The following IGLON5 variants were observed in gnomAD, a reference collection of about 807,000 sequenced individuals.
IGLON5 encodes Ig-like domain-containing protein ENSP00000270642.
Under a neutral mutation model 38.2 loss-of-function variants are expected in IGLON5, and 16 were observed. That is an observed-to-expected ratio of 0.42 (90% CI 0.28 to 0.64). The LOEUF (loss-of-function observed/expected upper bound fraction) is 0.64. Ranked by LOEUF, IGLON5 falls within the 30% of genes least tolerant of loss-of-function variation. The pLI is 0.23. For synonymous variants in IGLON5, 207 were observed against 216.4 expected, an observed-to-expected ratio of 0.96 and a Z score of 0.38; for missense variants, 366 against 483.4, an observed-to-expected ratio of 0.76 and a Z score of 2.28.
intron 2 of IGLON5, among the ~76,000 whole-genome samples, chr19:51,322,510 G>A (rs1337304748): frequency 6.7e-6 from 1 of 149,812 alleles, no homozygotes; most frequent in Non-Finnish European, 1.5e-5. Context: ...GAGGGACAGG[G>A]TTGCTGTTTC....
At chr19:51,317,362 AT>A (rs1354612018) in intron 1 of IGLON5, among the ~76,000 whole-genome samples, 1 of 152,142 alleles carries the variant, frequency 6.6e-6, no homozygotes, top group East Asian at 1.9e-4. Flanking sequence ...CTTTACTTGG[AT>A]TACCTCTTGT....
rs1178896029 is a variant in IGLON5 at position 51,325,438 on chromosome 19, C to A, written c.484C>A (p.Pro162Thr). The A allele has an allele frequency of 1.2e-6, 2 of 1,613,452 alleles. No homozygotes were observed. The highest frequency in any genetic ancestry group is 1.7e-6 in the Non-Finnish European group (2 of 1,179,612). The change falls in exon 4 of 8, where the codon CCC (proline) becomes ACC (threonine). Residue 162 changes from proline to threonine, a missense_variant. By Grantham distance (38) the Pro-to-Thr change is conservative (BLOSUM62 -1). Transcript: ENST00000270642. The surrounding 1 kb of genome is among the most constrained non-coding windows in gnomAD (Gnocchi z 5.5). ...LLCLAVGRPE[P>T]TVTWRQLRDG... ...TTGCCTGGCCGTGGGGCGGCCAGAG[C>A]CCACGGTCACCTGGAGACAGCTCCG...
rs1985338282 is a variant in IGLON5 at position 51,330,768 on chromosome 19, C to G, written c.*2009C>G. Among the ~76,000 whole-genome samples, 1 of 151,896 alleles carries G rather than the reference C, an allele frequency of 6.6e-6. No homozygotes were observed. The highest frequency in any genetic ancestry group is 2.4e-5 in the African/African-American group (1 of 41,222). Reference sequence around the variant, plus strand: ...AGAAGGATAGGAACACTGTGAAGGGCAGAGTGGAAACCTTAGAGAAACTGA... The same window carrying G: ...AGAAGGATAGGAACACTGTGAAGGGGAGAGTGGAAACCTTAGAGAAACTGA... On this transcript the variant is annotated 3_prime_UTR_variant, in exon 8 of 8. Coordinates refer to ENST00000270642, the MANE Select transcript of IGLON5 (RefSeq NM_001101372.3).
rs946623965 is a variant in IGLON5 at position 51,313,631 on chromosome 19, T to TTC, written c.79+1719_79+1720dup. Among the ~76,000 whole-genome samples, 10 of 120,872 alleles carry TTC rather than the reference T, an allele frequency of 8.3e-5. 1 individual carries two copies. Among genetic ancestry groups the TTC allele is most frequent in the Non-Finnish European group, 1.4e-4 (9 of 63,966 alleles). 79.3% of individuals were successfully genotyped at this position (120,872 alleles called of 152,430 possible). Reference sequence around the variant, plus strand: ...TTTCTTTCTTTCCTTCTTTCTCTTTTTCTCTCTCTCTCTCTTTTTCTTTCT... The same window carrying TTC: ...TTTCTTTCTTTCCTTCTTTCTCTTTTTCTCTCTCTCTCTCTCTTTTTCTTTCT... On this transcript the variant is annotated intron_variant, in intron 1 of 7. Transcript: ENST00000270642.
intron 1 of IGLON5, among the ~76,000 whole-genome samples, chr19:51,318,466 C>G (rs1984975062): frequency 6.6e-6 from 1 of 152,152 alleles, no homozygotes; most frequent in Admixed American, 6.5e-5. Flanking sequence ...AAGCCCTGAC[C>G]AGGCACTCTG....
intron 1 of IGLON5, 110 bp from the exon 2 acceptor site, chr19:51,321,954 G>A (rs1821496070): frequency 3.4e-6 from 3 of 874,944 alleles, no homozygotes; most frequent in Non-Finnish European, 5.6e-6. Flanking sequence ...GGCAGCGGGT[G>A]CAGGAGACGT....
At chr19:51,315,713 T>TTTTTG (rs758372004) in intron 1 of IGLON5, among the ~76,000 whole-genome samples, 15 of 96,050 alleles carry the variant, frequency 1.6e-4, no homozygotes, top group Non-Finnish European at 1.7e-4. Context: ...TTTTTTTTTT[T>TTTTTG]GAGACAGAGT....
At chr19:51,316,656 G>C (rs939468290) in intron 1 of IGLON5, among the ~76,000 whole-genome samples, 2 of 151,746 alleles carry the variant, frequency 1.3e-5, no homozygotes, top group African/African-American at 4.8e-5. Flanking sequence ...ACCATGCCCG[G>C]CTAATTTTTG....
chr19:51,326,690 C>T (rs1985222334), intron 4 of IGLON5, 74 bp from the exon 5 acceptor site: 3 of 1,069,522 alleles, frequency 2.8e-6, no homozygotes, highest in Non-Finnish European at 3.8e-6. Context: ...GATGTGTGTC[C>T]GTGTTGTGCC....
intron 1 of IGLON5, among the ~76,000 whole-genome samples, chr19:51,312,171 G>A (rs1318182833): frequency 1.3e-5 from 2 of 152,140 alleles, no homozygotes; most frequent in African/African-American, 4.8e-5. Context: ...GTCTAGGGGC[G>A]GAGGTCTGCT....
At position 51,327,550 on chromosome 19, in the gene IGLON5, G is replaced by A. The variant is rs1985248062; in HGVS notation, c.768-182G>A. 6.6e-6 allele frequency among the ~76,000 whole-genome samples: 1 copy of A among 152,156 alleles called. No individual in the cohort carries two copies. The highest frequency in any genetic ancestry group is 2.1e-4 in the South Asian group (1 of 4,830). On this transcript the variant is annotated intron_variant, in intron 6 of 7. Transcript: ENST00000270642. This position sits in a 1 kb window ranked among gnomAD's most constrained non-coding sequence, Gnocchi z 7.1. ...AGAGTCCAGAGTCCTGAGAGGCCAG[G>A]GTGCCTGGAGGGGGGCGGCGGTGGG...
chr19:51,320,178 C>T (rs1342252598), intron 1 of IGLON5, among the ~76,000 whole-genome samples: 1 of 152,142 alleles, frequency 6.6e-6, no homozygotes, highest in Non-Finnish European at 1.5e-5. Flanking sequence ...CTCTTTAAAT[C>T]CCAGCAGTGA....
At chr19:51,323,450 G>A (rs909448010) in intron 2 of IGLON5, among the ~76,000 whole-genome samples, 4 of 152,116 alleles carry the variant, frequency 2.6e-5, no homozygotes, top group African/African-American at 9.7e-5. Context: ...ATAACCACGA[G>A]CTATTGTTCC....
chr19:51,318,566 C>T (rs1225670947), intron 1 of IGLON5, among the ~76,000 whole-genome samples: 5 of 150,744 alleles, frequency 3.3e-5, no homozygotes, highest in African/African-American at 4.9e-5. Flanking sequence ...GGCAAGACCT[C>T]GTCTCTTAAA....
At position 51,327,979 on chromosome 19, in the gene IGLON5, C is replaced by T; in HGVS notation, c.922+93C>T. 1 of 1,322,866 alleles carries T rather than the reference C, an allele frequency of 7.6e-7. No homozygotes were observed. The highest frequency in any genetic ancestry group is 1.0e-6 in the Non-Finnish European group (1 of 1,002,272). The allele number at this position is 1,322,866 out of a possible 1,614,324, so 81.9% of individuals were successfully genotyped here. On this transcript the variant is annotated intron_variant, in intron 7 of 7. Coordinates refer to ENST00000270642, the MANE Select transcript of IGLON5 (RefSeq NM_001101372.3). This position sits in a 1 kb window ranked among gnomAD's most constrained non-coding sequence, Gnocchi z 7.1. ...ACGCCGGGACCGCCCTTCAGGCTGG[C>T]CCTGAACTTAGGAGATGGACGCTGA...
rs529262899 is a variant in IGLON5 at position 51,324,619 on chromosome 19, G to A, written c.391+725G>A. Among the ~76,000 whole-genome samples, 2 of 152,182 alleles carry A rather than the reference G, an allele frequency of 1.3e-5. No homozygotes were observed. Among genetic ancestry groups the A allele is most frequent in the Admixed American group, 1.3e-4 (2 of 15,290 alleles). On this transcript the variant is annotated intron_variant, in intron 3 of 7. Coordinates refer to ENST00000270642, the MANE Select transcript of IGLON5 (RefSeq NM_001101372.3). This position sits in a 1 kb window ranked among gnomAD's most constrained non-coding sequence, Gnocchi z 4.2. Reference sequence around the variant, plus strand: ...GGGACCTTGAGCAGGGAAGAGGCCCGGGACTCCTTTGCAAAATGGGGATGG... The same window carrying A: ...GGGACCTTGAGCAGGGAAGAGGCCCAGGACTCCTTTGCAAAATGGGGATGG...
At position 51,311,895 on chromosome 19, in the gene IGLON5, C is replaced by A; in HGVS notation, c.48C>A (p.Ala16=). 2 of 1,366,726 alleles carry A rather than the reference C, an allele frequency of 1.5e-6. No homozygotes were observed. The highest frequency in any genetic ancestry group is 1.9e-6 in the Non-Finnish European group (2 of 1,055,862). The allele number at this position is 1,366,726 out of a possible 1,614,324, so 84.7% of individuals were successfully genotyped here. A position where few individuals can be genotyped will look rare whatever the true frequency, so the allele number is the denominator to read the frequency against. The change falls in exon 1 of 8, where the codon GCC becomes GCA. Residue 16 remains alanine (A), a synonymous_variant. Transcript: ENST00000270642. ...PGARLRLLAA[A]ALAGLAVISR... is the part of the protein sequence containing the mutation. ...CCCGGCTCCGGCTTCTCGCCGCCGCCGCCCTGGCCGGCTTGGCCGTCATCA... is the reference window on the plus strand; with the variant it reads ...CCCGGCTCCGGCTTCTCGCCGCCGCAGCCCTGGCCGGCTTGGCCGTCATCA...
chr19:51,325,348 C>T lies in IGLON5; in HGVS notation c.394C>T (p.Pro132Ser), dbSNP rs375528084. The change falls in exon 4 of 8, where the codon CCT becomes TCT. Residue 132 changes from proline (P) to serine (S), a missense_variant and splice_region_variant. Pro to Ser is a moderately conservative substitution (Grantham distance 74, BLOSUM62 -1). Transcript: ENST00000270642. This position sits in a 1 kb window ranked among gnomAD's most constrained non-coding sequence, Gnocchi z 5.5. ...TCAGCCTCTGCCGCTGCCCGCAGTC[C>T]CTGCCCGCATTGTGAACATCTCGTC... is the stretch of plus-strand genomic sequence containing the variant. ...TTQVYLIVHVPARIVNISSPV... is the reference protein window; with the variant it reads ...TTQVYLIVHVSARIVNISSPV... 3.1e-6 allele frequency: 5 copies of T among 1,613,598 alleles called. No homozygotes were observed. The South Asian group carries it at 3.3e-5, about 11-fold the overall frequency.
At position 51,327,116 on chromosome 19, in the gene IGLON5, C is replaced by T. The variant is rs756791932; in HGVS notation, c.683C>T (p.Thr228Ile). ...PTITDVTSAR[T>I]ALGRAALLRC... ...ATCACGGACGTGACCAGCGCCCGCA[C>T]CGCGCTGGGCCGGGCCGCCCTCCTG... The change falls in exon 6 of 8, where the codon ACC (threonine) becomes ATC (isoleucine). Residue 228 changes from threonine to isoleucine, a missense_variant. Thr to Ile is a moderately conservative substitution (Grantham distance 89). Transcript: ENST00000270642. This position sits in a 1 kb window ranked among gnomAD's most constrained non-coding sequence, Gnocchi z 7.1. 1.9e-6 allele frequency: 3 copies of T among 1,610,960 alleles called. No individual in the cohort carries two copies. Among genetic ancestry groups the T allele is most frequent in the East Asian group, 2.2e-5 (1 of 44,830 alleles).
Sources: allele counts gnomAD v4.1 joint callset (sites outside exome capture counted in the v4.1 genomes callset), GRCh38; gene constraint gnomAD v4.1.1; non-coding constraint Gnocchi (gnomAD v3.1); transcripts MANE v1.5; gene names NCBI Gene and HGNC (gene_info 2026-07-23, HGNC 2026-07-21).